Variants in AUTS2 observed in about 807,000 individuals in gnomAD.
AUTS2 encodes the protein autism susceptibility gene 2 protein.
Under a neutral mutation model 112.4 loss-of-function variants are expected in AUTS2, and 17 were observed. The observed-to-expected ratio is 0.15, with a 90% CI of 0.10 to 0.23. AUTS2 has a LOEUF of 0.23. Among genes scored for constraint, AUTS2 ranks in the 10% least tolerant of loss-of-function variants. The probability of loss-of-function intolerance (pLI) is 1.00; values close to 1 mark genes in which losing one functional copy is unlikely to be tolerated. For synonymous variants in AUTS2, 751 were observed against 702.7 expected (o/e 1.07, Z -1.09); for missense variants, 1,510 against 1,701.6 (o/e 0.89, Z 1.98).
chr7:70,183,396 T>C (rs956217615), intron 4 of AUTS2, among the ~76,000 whole-genome samples: 1 of 152,042 alleles, frequency 6.6e-6, no homozygotes, highest in East Asian at 1.9e-4. Context: ...CATCGCTATT[T>C]TATGGCTCTA....
intron 1 of AUTS2, among the ~76,000 whole-genome samples, chr7:69,839,462 G>C (rs1462645604): frequency 6.6e-6 from 1 of 152,044 alleles, no homozygotes; most frequent in African/African-American, 2.4e-5. Flanking sequence ...GATCAAGTAG[G>C]CTGAATATGA....
rs189224957 is a variant in AUTS2 at position 70,311,891 on chromosome 7, T to A, written c.661-123861T>A. On this transcript the variant is annotated intron_variant, in intron 4 of 18. Coordinates refer to ENST00000342771, the MANE Select transcript of AUTS2 (RefSeq NM_015570.4). Reference sequence around the variant, plus strand: ...CCACCACGCCTGGCTAATTTTTGTATTTTTAGTAGAGACGGGGTTTCACCG... The same window carrying A: ...CCACCACGCCTGGCTAATTTTTGTAATTTTAGTAGAGACGGGGTTTCACCG... 4.6e-4 allele frequency among the ~76,000 whole-genome samples: 70 copies of A among 152,340 alleles called. 2 individuals carry two copies. The East Asian group carries it at 0.013, about 29-fold the overall frequency.
intron 4 of AUTS2, among the ~76,000 whole-genome samples, chr7:70,333,490 A>G (rs1790851472): frequency 6.6e-6 from 1 of 152,222 alleles, no homozygotes; most frequent in South Asian, 2.1e-4. Context: ...TCCTTCTACT[A>G]TAAAGACACA....
intron 2 of AUTS2, among the ~76,000 whole-genome samples, chr7:69,978,088 C>G (rs1387538869): frequency 6.6e-6 from 1 of 152,120 alleles, no homozygotes; most frequent in African/African-American, 2.4e-5. Context: ...TTGCATGGTG[C>G]AAGGCCTGAG....
intron 5 of AUTS2, among the ~76,000 whole-genome samples, chr7:70,518,800 T>A (rs1354397767): frequency 6.6e-6 from 1 of 152,128 alleles, no homozygotes; most frequent in Non-Finnish European, 1.5e-5. Flanking sequence ...GCCTCCCGGA[T>A]TCAAGCGATT....
intron 4 of AUTS2, among the ~76,000 whole-genome samples, chr7:70,215,097 C>A (rs1811106217): frequency 6.6e-6 from 1 of 152,070 alleles, no homozygotes; most frequent in Non-Finnish European, 1.5e-5. Context: ...CTAGCCTGGG[C>A]AACATACTGA....
chr7:70,362,175 AT>A lies in AUTS2; in HGVS notation c.661-73575del, dbSNP rs1294277366. Among the ~76,000 whole-genome samples the A allele has an allele frequency of 5.3e-5, 8 of 152,294 alleles. No individual in the cohort carries two copies. In the South Asian group the frequency reaches 1.7e-3, roughly 32 times the overall value. On this transcript the variant is annotated intron_variant, in intron 4 of 18. Transcript: ENST00000342771. ...CAGGAATGGTTCCTTTTAACATCAG[AT>A]TGGGTGTTTACATGGATGACAATTA...
intron 1 of AUTS2, among the ~76,000 whole-genome samples, chr7:69,625,655 T>C (rs1793909322): frequency 6.6e-6 from 1 of 152,068 alleles, no homozygotes; most frequent in Non-Finnish European, 1.5e-5. Flanking sequence ...GTCCAGGGGT[T>C]TGAGACCAGC....
intron 1 of AUTS2, among the ~76,000 whole-genome samples, chr7:69,609,453 C>T (rs999854075): frequency 1.3e-5 from 2 of 152,222 alleles, no homozygotes; most frequent in East Asian, 3.9e-4. Flanking sequence ...CTGCCTCCCA[C>T]CTCCCTTTTA....
intron 2 of AUTS2, among the ~76,000 whole-genome samples, chr7:70,001,962 T>G (rs1399857388): frequency 3.3e-5 from 5 of 152,154 alleles, no homozygotes; most frequent in African/African-American, 4.8e-5. Flanking sequence ...CTGCCTACCT[T>G]GGCCTCCCAA....
chr7:69,680,743 C>T (rs924634022), intron 1 of AUTS2, among the ~76,000 whole-genome samples: 14 of 152,140 alleles, frequency 9.2e-5, no homozygotes, highest in Admixed American at 6.5e-4. Flanking sequence ...GGTTTCGGCT[C>T]ACTGCAGCAT....
At chr7:70,243,962 C>T (rs965436911) in intron 4 of AUTS2, among the ~76,000 whole-genome samples, 1 of 151,272 alleles carries the variant, frequency 6.6e-6, no homozygotes, top group Non-Finnish European at 1.5e-5. Context: ...AATACTATTA[C>T]AGTATAGTAA....
At chr7:70,277,143 C>G (rs749081944) in intron 4 of AUTS2, among the ~76,000 whole-genome samples, 19 of 152,194 alleles carry the variant, frequency 1.2e-4, no homozygotes, top group Non-Finnish European at 2.8e-4. Flanking sequence ...GTTTGATGGA[C>G]TCCTAGGATG....
At chr7:70,037,033 A>G (rs150702428) in intron 2 of AUTS2, among the ~76,000 whole-genome samples, 26 of 152,344 alleles carry the variant, frequency 1.7e-4, no homozygotes, top group African/African-American at 6.0e-4. Context: ...TTATATTTAT[A>G]CAATCTATAA....
intron 4 of AUTS2, among the ~76,000 whole-genome samples, chr7:70,146,492 A>G (rs13247796): frequency 0.13 from 20,380 of 152,108 alleles, 1,519 homozygotes; most frequent in Middle Eastern, 0.21. Flanking sequence ...ATCTTTCAGC[A>G]GTATGCTTAT....
chr7:70,263,351 G>A (rs1368148416), intron 4 of AUTS2, among the ~76,000 whole-genome samples: 1 of 152,120 alleles, frequency 6.6e-6, no homozygotes, highest in Non-Finnish European at 1.5e-5. Flanking sequence ...AAATTGGTGG[G>A]TTCCCTTGGT....
At chr7:69,708,314 C>T in intron 1 of AUTS2, among the ~76,000 whole-genome samples, 1 of 93,064 alleles carries the variant, frequency 1.1e-5, no homozygotes, top group South Asian at 3.5e-4. Context: ...TTGAGTCTCT[C>T]TCTTCTTTTT....
At chr7:70,396,133 C>T (rs1262399935) in intron 4 of AUTS2, among the ~76,000 whole-genome samples, 1 of 152,104 alleles carries the variant, frequency 6.6e-6, no homozygotes, top group Non-Finnish European at 1.5e-5. Context: ...ACTCATGACA[C>T]CATCACCACA....
Position 70,294,675 on chromosome 7 carries a change from A to G in AUTS2, c.661-141077A>G, listed in dbSNP as rs560693666. Among the ~76,000 whole-genome samples the G allele has an allele frequency of 9.9e-5, 15 of 152,242 alleles. No homozygotes were observed. The South Asian group carries it at 2.9e-3, about 29-fold the overall frequency. On this transcript the variant is annotated intron_variant, in intron 4 of 18. Transcript: ENST00000342771. ...ACCATTCGGTCACAGGCTGGTTTGG[A>G]CAGGCGAATATGAGCACATGTAGCC...
Sources: allele counts gnomAD v4.1 joint callset (sites outside exome capture counted in the v4.1 genomes callset), GRCh38; gene constraint gnomAD v4.1.1; transcripts MANE v1.5; gene names NCBI Gene and HGNC (gene_info 2026-07-23, HGNC 2026-07-21).